KCTD8: variants seen among roughly 807,000 people sequenced by gnomAD.
KCTD8 encodes the protein potassium channel tetramerization domain containing 8.
Under a neutral mutation model 31.5 loss-of-function variants are expected in KCTD8, and 27 were observed. The ratio of observed to expected loss-of-function variants is 0.86; its 90% CI spans 0.63 to 1.18. The LOEUF (loss-of-function observed/expected upper bound fraction) is 1.18, where lower values mean the gene tolerates loss of function less well. Ranked by LOEUF, KCTD8 falls within the 50% of genes most tolerant of loss-of-function variation. The pLI, the probability that KCTD8 is intolerant of heterozygous loss-of-function variation, is 0.00. For missense variants in KCTD8, 658 were observed against 647.7 expected (o/e 1.02, Z -0.17); for synonymous variants, 290 against 280.0 (o/e 1.04, Z -0.36).
chr4:44,359,819 T>C (rs943069813), intron 1 of KCTD8, among the ~76,000 whole-genome samples: 1 of 152,134 alleles, frequency 6.6e-6, no homozygotes, highest in Non-Finnish European at 1.5e-5. Flanking sequence ...AATTTGCATG[T>C]AGTTTTTTCC....
intron 1 of KCTD8, among the ~76,000 whole-genome samples, chr4:44,292,174 G>C (rs1717300259): frequency 6.6e-6 from 1 of 152,020 alleles, no homozygotes; most frequent in Admixed American, 6.6e-5. Context: ...ACGTGTACCT[G>C]TATGTTAATC....
chr4:44,300,793 G>A (rs1203073393), intron 1 of KCTD8, among the ~76,000 whole-genome samples: 1 of 151,812 alleles, frequency 6.6e-6, no homozygotes, highest in Non-Finnish European at 1.5e-5. Flanking sequence ...GTATATATGT[G>A]CCATGCTGGT....
At position 44,344,899 on chromosome 4, in the gene KCTD8, C is replaced by G. The variant is rs533215913; in HGVS notation, c.961+102664G>C. Among the ~76,000 whole-genome samples the G allele has an allele frequency of 3.6e-4, 55 of 152,302 alleles. No homozygotes were observed. The Middle Eastern group carries it at 0.01, about 28-fold the overall frequency. On this transcript the variant is annotated intron_variant, in intron 1 of 1. Coordinates refer to ENST00000360029, the MANE Select transcript of KCTD8 (RefSeq NM_198353.3). ...TAGGAACATACATTCCTCTAAGCAA[C>G]AGAGAGTAAAGTATTCATATTTGTT...
intron 1 of KCTD8, among the ~76,000 whole-genome samples, chr4:44,200,519 A>G (rs1340836671): frequency 6.6e-6 from 1 of 152,110 alleles, no homozygotes; most frequent in Non-Finnish European, 1.5e-5. Flanking sequence ...AAATCAATAA[A>G]TGTGATTCAC....
intron 1 of KCTD8, among the ~76,000 whole-genome samples, chr4:44,186,637 G>T (rs1055163826): frequency 6.6e-6 from 1 of 152,190 alleles, no homozygotes; most frequent in Non-Finnish European, 1.5e-5. Flanking sequence ...CCCACGACCT[G>T]CCCGTCTGCG....
intron 1 of KCTD8, 69 bp downstream of exon 1, chr4:44,447,494 G>T: frequency 1.4e-6 from 2 of 1,445,972 alleles, no homozygotes; most frequent in African/African-American, 1.4e-5. Context: ...GGCCTCCAGC[G>T]GGGCTCAAAC....
At chr4:44,184,231 G>T (rs970509340) in intron 1 of KCTD8, among the ~76,000 whole-genome samples, 9 of 152,120 alleles carry the variant, frequency 5.9e-5, no homozygotes, top group African/African-American at 2.2e-4. Flanking sequence ...GCTAAGGAAT[G>T]GGGTCATTTT....
chr4:44,221,748 A>G (rs1247041791), intron 1 of KCTD8, among the ~76,000 whole-genome samples: 1 of 152,150 alleles, frequency 6.6e-6, no homozygotes, highest in Non-Finnish European at 1.5e-5. Flanking sequence ...TACTCTTTCC[A>G]CCGTTCTTCT....
At chr4:44,317,228 CTTTTTTTTTTT>C (rs760060899) in intron 1 of KCTD8, among the ~76,000 whole-genome samples, 2 of 36,536 alleles carry the variant, frequency 5.5e-5, no homozygotes, top group Admixed American at 4.9e-4. Flanking sequence ...TGGGTGCTTT[CTTTTTTTTTTT>C]TTTTTTTTTT....
At chr4:44,364,363 T>C (rs1259519196) in intron 1 of KCTD8, among the ~76,000 whole-genome samples, 1 of 151,628 alleles carries the variant, frequency 6.6e-6, no homozygotes, top group Non-Finnish European at 1.5e-5. Flanking sequence ...ATTAGGGAAT[T>C]GCAAATTAAA....
At chr4:44,255,824 G>A (rs1715975136) in intron 1 of KCTD8, among the ~76,000 whole-genome samples, 1 of 151,820 alleles carries the variant, frequency 6.6e-6, no homozygotes, top group African/African-American at 2.4e-5. Context: ...CTATTACTTT[G>A]ACATCAGCAA....
At chr4:44,410,966 T>C (rs1720939330) in intron 1 of KCTD8, among the ~76,000 whole-genome samples, 1 of 152,094 alleles carries the variant, frequency 6.6e-6, no homozygotes, top group Non-Finnish European at 1.5e-5. Flanking sequence ...GTCTCCAATA[T>C]CAAACATGTT....
chr4:44,360,200 A>C (rs1407769239), intron 1 of KCTD8, among the ~76,000 whole-genome samples: 1 of 152,034 alleles, frequency 6.6e-6, no homozygotes, highest in East Asian at 1.9e-4. Context: ...AATATAATGA[A>C]AAGGCAGATT....
At chr4:44,236,356 T>C (rs1715291043) in intron 1 of KCTD8, among the ~76,000 whole-genome samples, 1 of 152,138 alleles carries the variant, frequency 6.6e-6, no homozygotes, top group African/African-American at 2.4e-5. Flanking sequence ...GGGTCCATGG[T>C]TTCTGGCCAT....
intron 1 of KCTD8, among the ~76,000 whole-genome samples, chr4:44,296,502 T>G (rs1308418273): frequency 6.6e-6 from 1 of 152,148 alleles, no homozygotes; most frequent in East Asian, 1.9e-4. Flanking sequence ...ATGTTTTAAA[T>G]TGATATATTA....
At chr4:44,351,742 C>T (rs1161548664) in intron 1 of KCTD8, among the ~76,000 whole-genome samples, 4 of 152,018 alleles carry the variant, frequency 2.6e-5, no homozygotes, top group Non-Finnish European at 4.4e-5. Flanking sequence ...TGAATGTGAT[C>T]TTTCACTAAC....
At chr4:44,431,492 A>G (rs372128715) in intron 1 of KCTD8, among the ~76,000 whole-genome samples, 104 of 151,712 alleles carry the variant, frequency 6.9e-4, no homozygotes, top group African/African-American at 2.4e-3. Context: ...AGTTTAGCCT[A>G]TAATGATTAC....
chr4:44,265,213 G>T lies in KCTD8; in HGVS notation c.962-89963C>A, dbSNP rs538134049. The stretch of plus-strand genomic sequence containing the variant: ...GACAAAACTTCCAGAGGAACGATCA[G>T]ACAGCAGCATTCACGGTTCACGAAA... On this transcript the variant is annotated intron_variant, in intron 1 of 1. Coordinates refer to ENST00000360029, the MANE Select transcript of KCTD8 (RefSeq NM_198353.3). Among the ~76,000 whole-genome samples, 3 of 152,248 alleles carry T rather than the reference G, an allele frequency of 2.0e-5. No individual in the cohort carries two copies. The East Asian group carries it at 5.8e-4, about 29-fold the overall frequency.
At position 44,340,975 on chromosome 4, in the gene KCTD8, C is replaced by T. The variant is rs1577625322; in HGVS notation, c.961+106588G>A. ...ATAAAATGTTTATAAATTTTACTGACTGTAAACAATACCATGAAGAAAATT... is the reference window on the plus strand; with the variant it reads ...ATAAAATGTTTATAAATTTTACTGATTGTAAACAATACCATGAAGAAAATT... On this transcript the variant is annotated intron_variant, in intron 1 of 1. Coordinates refer to ENST00000360029, the MANE Select transcript of KCTD8 (RefSeq NM_198353.3). Among the ~76,000 whole-genome samples, 3 of 151,816 alleles carry T rather than the reference C, an allele frequency of 2.0e-5. No homozygotes were observed. The East Asian group carries it at 5.8e-4, about 29-fold the overall frequency.
Sources: allele counts gnomAD v4.1 joint callset (sites outside exome capture counted in the v4.1 genomes callset), GRCh38; gene constraint gnomAD v4.1.1; transcripts MANE v1.5; gene names NCBI Gene and HGNC (gene_info 2026-07-23, HGNC 2026-07-21).